The following KCNH1 variants were observed in gnomAD, a reference collection of about 807,000 sequenced individuals.
KCNH1 encodes the protein voltage-gated delayed rectifier potassium channel KCNH1.
Under a neutral mutation model 69.2 loss-of-function variants are expected in KCNH1, and 27 were observed. That is an observed-to-expected ratio of 0.39 (90% CI 0.29 to 0.54). The LOEUF (loss-of-function observed/expected upper bound fraction) is 0.54, where lower values mean the gene tolerates loss of function less well. Ranked by LOEUF, KCNH1 falls within the 20% of genes least tolerant of loss-of-function variation. The pLI, the probability that KCNH1 is intolerant of heterozygous loss-of-function variation, is 0.68. For synonymous variants in KCNH1, 456 were observed against 487.7 expected (o/e 0.93, Z 0.86); for missense variants, 798 against 1,261.6 (o/e 0.63, Z 5.57).
chr1:211,082,754 A>C, intron 5 of KCNH1, 26 bp downstream of exon 5: 1 of 1,578,858 alleles, frequency 6.3e-7, no homozygotes, highest in South Asian at 1.1e-5. Flanking sequence ...AGTGAGGCTC[A>C]AGATGAGCTA....
At chr1:211,006,741 G>C (rs1046197332) in intron 6 of KCNH1, among the ~76,000 whole-genome samples, 1 of 151,932 alleles carries the variant, frequency 6.6e-6, no homozygotes, top group Non-Finnish European at 1.5e-5. Flanking sequence ...TCATTATTGT[G>C]ATAAAAAAGT....
In KCNH1 at chr1:210,715,520, A is replaced by C. The variant is rs571164201; in HGVS notation, c.2113-31382T>G. ...TGTTTCTATTTTAAAAATTAAACAA[A>C]AAAAAAAAAAACGTAATGGGATTAG... On this transcript the variant is annotated intron_variant, in intron 10 of 10. Coordinates refer to ENST00000271751, the MANE Select transcript of KCNH1 (RefSeq NM_172362.3). Among the ~76,000 whole-genome samples, 73 of 150,590 alleles carry C rather than the reference A, an allele frequency of 4.8e-4. No homozygotes were observed. The East Asian group carries it at 7.5e-3, about 16-fold the overall frequency.
At chr1:211,093,884 G>C (rs188367926) in intron 3 of KCNH1, among the ~76,000 whole-genome samples, 13 of 152,216 alleles carry the variant, frequency 8.5e-5, no homozygotes, top group African/African-American at 1.7e-4. Flanking sequence ...CCCTATAAAG[G>C]GGGGAAGGCA....
chr1:210,734,446 C>T (rs1682824135), intron 10 of KCNH1, among the ~76,000 whole-genome samples: 1 of 152,052 alleles, frequency 6.6e-6, no homozygotes, highest in Non-Finnish European at 1.5e-5. Context: ...AGCTCAGGGC[C>T]CATAAAAAAA....
At chr1:210,911,270 T>C (rs1312571216) in intron 7 of KCNH1, among the ~76,000 whole-genome samples, 1 of 152,126 alleles carries the variant, frequency 6.6e-6, no homozygotes, top group Non-Finnish European at 1.5e-5. Context: ...ACCTCCTCAC[T>C]GGGGAGACAC....
intron 6 of KCNH1, among the ~76,000 whole-genome samples, chr1:210,970,904 T>A (rs1688500319): frequency 6.6e-6 from 1 of 152,134 alleles, no homozygotes; most frequent in Non-Finnish European, 1.5e-5. Flanking sequence ...AAAGGTCTAA[T>A]ATCCAGAATT....
intron 10 of KCNH1, among the ~76,000 whole-genome samples, chr1:210,703,811 A>G (rs1164940139): frequency 6.6e-6 from 1 of 152,168 alleles, no homozygotes; most frequent in East Asian, 1.9e-4. Flanking sequence ...TGTATGTAAA[A>G]TCTGTAATCT....
At chr1:211,130,789 A>C (rs1229135268) in intron 1 of KCNH1, among the ~76,000 whole-genome samples, 1 of 152,190 alleles carries the variant, frequency 6.6e-6, no homozygotes, top group Non-Finnish European at 1.5e-5. Flanking sequence ...GGTACTTTAT[A>C]ATGGGGCACA....
At chr1:211,110,019 A>T (rs749676038) in intron 1 of KCNH1, among the ~76,000 whole-genome samples, 1 of 151,140 alleles carries the variant, frequency 6.6e-6, no homozygotes, top group African/African-American at 2.5e-5. Context: ...GAGACAAGAA[A>T]CAGAGAAGAA....
At chr1:210,779,917 T>C (rs1460961109) in intron 9 of KCNH1, among the ~76,000 whole-genome samples, 2 of 151,744 alleles carry the variant, frequency 1.3e-5, no homozygotes, top group South Asian at 2.1e-4. Context: ...CCACAAAACA[T>C]AGGTAGGAAG....
At chr1:210,834,586 A>T (rs1321890885) in intron 7 of KCNH1, among the ~76,000 whole-genome samples, 7 of 149,010 alleles carry the variant, frequency 4.7e-5, no homozygotes, top group Non-Finnish European at 1.0e-4. Context: ...CTAATGCTAG[A>T]TGACGAGTTA....
intron 5 of KCNH1, among the ~76,000 whole-genome samples, chr1:211,060,242 G>C (rs1006183884): frequency 3.3e-5 from 5 of 151,662 alleles, no homozygotes; most frequent in East Asian, 1.9e-4. Context: ...GCACTACTAA[G>C]AGAAAAGTTT....
chr1:210,988,124 C>T lies in KCNH1; in HGVS notation c.1032+30659G>A, dbSNP rs139617590. 8.4e-3 allele frequency among the ~76,000 whole-genome samples: 1,282 copies of T among 152,290 alleles called. 10 individuals carry two copies. Among genetic ancestry groups the T allele is most frequent in the Non-Finnish European group, 0.014 (967 of 68,022 alleles). On this transcript the variant is annotated intron_variant, in intron 6 of 10. Transcript: ENST00000271751. ...CTCCTGATGTGCCATTTGTTAAGCC[C>T]GTTGGAAAAGCGCAGTATTAGGGTG...
chr1:210,701,522 C>T (rs1156335543), intron 10 of KCNH1, among the ~76,000 whole-genome samples: 1 of 152,200 alleles, frequency 6.6e-6, no homozygotes, highest in Non-Finnish European at 1.5e-5. Context: ...GATCAGACAG[C>T]CTTGGCCTTG....
intron 7 of KCNH1, among the ~76,000 whole-genome samples, chr1:210,881,013 TA>T (rs1197544717): frequency 2.2e-5 from 3 of 139,016 alleles, no homozygotes; most frequent in African/African-American, 8.4e-5. Context: ...ATTAAAACAG[TA>T]ATATTTTTTT....
At chr1:210,954,562 A>C (rs1688131020) in intron 6 of KCNH1, among the ~76,000 whole-genome samples, 1 of 152,154 alleles carries the variant, frequency 6.6e-6, no homozygotes, top group African/African-American at 2.4e-5. Context: ...CCTCTCCAGC[A>C]TCTGTTGTTT....
At chr1:210,950,856 A>T (rs1286445907) in intron 6 of KCNH1, among the ~76,000 whole-genome samples, 1 of 152,240 alleles carries the variant, frequency 6.6e-6, no homozygotes, top group Non-Finnish European at 1.5e-5. Flanking sequence ...AGTGCTACTT[A>T]TTGAGTGGCC....
intron 9 of KCNH1, among the ~76,000 whole-genome samples, chr1:210,785,030 G>A (rs534431528): frequency 1.7e-4 from 26 of 152,310 alleles, no homozygotes; most frequent in Middle Eastern, 3.4e-3. Flanking sequence ...TAAAACAGAA[G>A]GCTAAGAGAT....
At chr1:210,936,329 A>G (rs1377983465) in intron 6 of KCNH1, among the ~76,000 whole-genome samples, 4 of 152,180 alleles carry the variant, frequency 2.6e-5, no homozygotes, top group Non-Finnish European at 4.4e-5. Flanking sequence ...TCCCAGCCTC[A>G]ACATCTTCAT....
Sources: allele counts gnomAD v4.1 joint callset (sites outside exome capture counted in the v4.1 genomes callset), GRCh38; gene constraint gnomAD v4.1.1; transcripts MANE v1.5; gene names NCBI Gene and HGNC (gene_info 2026-07-23, HGNC 2026-07-21).